FAM163B: variants seen among roughly 807,000 people sequenced by gnomAD.
The protein encoded by FAM163B is family with sequence similarity 163 member B.
A neutral mutation model predicts 7.6 loss-of-function variants in FAM163B; 4 were observed. The ratio of observed to expected loss-of-function variants is 0.52; its 90% confidence interval spans 0.26 to 1.20. The LOEUF (loss-of-function observed/expected upper bound fraction) is 1.20, where lower values mean the gene tolerates loss of function less well. Among genes scored for constraint, FAM163B ranks in the 50% most tolerant of loss-of-function variants. FAM163B has a pLI of 0.14. For missense variants in FAM163B, 250 were observed against 243.0 expected (o/e 1.03, Z -0.19); for synonymous variants, 120 against 111.6 (o/e 1.07, Z -0.47).
chr9:133,605,295 G>C (rs1831776355), intron 1 of FAM163B, among the ~76,000 whole-genome samples: 1 of 152,186 alleles, frequency 6.6e-6, no homozygotes, highest in South Asian at 2.1e-4. Flanking sequence ...GTAACCTCAC[G>C]AGGGACGCAT....
chr9:133,591,313 G>A (rs1831548807), intron 1 of FAM163B, among the ~76,000 whole-genome samples: 1 of 152,270 alleles, frequency 6.6e-6, no homozygotes, highest in Non-Finnish European at 1.5e-5. Flanking sequence ...ACCAGGTGCT[G>A]TTCCGGATGG....
At chr9:133,584,593 C>T (rs1044569881) in intron 1 of FAM163B, among the ~76,000 whole-genome samples, 1 of 152,232 alleles carries the variant, frequency 6.6e-6, no homozygotes, top group Non-Finnish European at 1.5e-5. Flanking sequence ...CACTTTGGCT[C>T]CCAAGGATAC....
intron 1 of FAM163B, among the ~76,000 whole-genome samples, chr9:133,597,970 G>A (rs1831656209): frequency 6.6e-6 from 1 of 152,176 alleles, no homozygotes; most frequent in African/African-American, 2.4e-5. Context: ...CAGGGGACAG[G>A]GCTCAAAGCT....
At chr9:133,593,190 C>T (rs1028956554) in intron 1 of FAM163B, among the ~76,000 whole-genome samples, 3 of 152,214 alleles carry the variant, frequency 2.0e-5, no homozygotes, top group Non-Finnish European at 4.4e-5. Context: ...GAGCAAACAT[C>T]AGGGAACTGA....
At chr9:133,580,094 TC>T in intron 2 of FAM163B, 36 bp downstream of exon 2, 1 of 1,580,052 alleles carries the variant, frequency 6.3e-7, no homozygotes. Context: ...CCTCTGGGCC[TC>T]CCTGCCCTGT....
At position 133,577,207 on chromosome 9, in the gene FAM163B, A is replaced by T. The variant is rs1333792982; in HGVS notation, c.*1815T>A. Among the ~76,000 whole-genome samples the T allele has an allele frequency of 6.6e-6, 1 of 152,204 alleles. No homozygotes were observed. Among genetic ancestry groups the T allele is most frequent in the Non-Finnish European group, 1.5e-5 (1 of 68,034 alleles). ...TACTTCGTTTCAAAGAGATCTACAT[A>T]TCTACAGAGAGGATGGAGACCAGAA... On this transcript the variant is annotated 3_prime_UTR_variant, in exon 3 of 3. Coordinates refer to ENST00000673969, the MANE Select transcript of FAM163B (RefSeq NM_001080515.3).
intron 1 of FAM163B, among the ~76,000 whole-genome samples, chr9:133,583,271 G>T (rs536436328): frequency 1.4e-4 from 21 of 152,334 alleles, no homozygotes; most frequent in Middle Eastern, 3.4e-3. Context: ...GCATGGGCCT[G>T]GGTGGAGGGG....
chr9:133,586,372 G>T (rs1265063788), intron 1 of FAM163B, among the ~76,000 whole-genome samples: 1 of 152,210 alleles, frequency 6.6e-6, no homozygotes, highest in East Asian at 1.9e-4. Flanking sequence ...ACAGCAGGGG[G>T]ACTGGTGCTG....
intron 1 of FAM163B, among the ~76,000 whole-genome samples, chr9:133,586,635 C>A (rs1291050138): frequency 6.6e-6 from 1 of 152,154 alleles, no homozygotes; most frequent in African/African-American, 2.4e-5. Context: ...AAGCAGGGCA[C>A]ACAGTGTGTG....
chr9:133,588,622 T>A (rs1831480842), intron 1 of FAM163B, among the ~76,000 whole-genome samples: 1 of 152,092 alleles, frequency 6.6e-6, no homozygotes, highest in Non-Finnish European at 1.5e-5. Context: ...CTGAAGGATC[T>A]AGCATGTTGA....
At chr9:133,591,200 C>T (rs1037293928) in intron 1 of FAM163B, among the ~76,000 whole-genome samples, 2 of 152,234 alleles carry the variant, frequency 1.3e-5, no homozygotes, top group South Asian at 2.1e-4. Context: ...CAGCCTCTTC[C>T]GCAGTGGCAG....
At position 133,609,242 on chromosome 9, in the gene FAM163B, G is replaced by A. The variant is rs1831824410; in HGVS notation, c.-189C>T. On this transcript the variant is annotated 5_prime_UTR_variant, in exon 1 of 3. Transcript: ENST00000673969. The stretch of plus-strand genomic sequence containing the variant: ...GGGCGGGCGAGGCGGGCGCTGAGAA[G>A]CCCGGGAGGCCCCCGGGGAGGCGAC... Among the ~76,000 whole-genome samples the A allele has an allele frequency of 6.6e-6, 1 of 151,044 alleles. No homozygotes were observed. The highest frequency in any genetic ancestry group is 1.5e-5 in the Non-Finnish European group (1 of 67,608).
Position 133,578,677 on chromosome 9 carries a change from ACCT to A in FAM163B, c.*342_*344del, listed in dbSNP as rs1831292160. On this transcript the variant is annotated 3_prime_UTR_variant, in exon 3 of 3. Transcript: ENST00000673969. ...CCCAGGGAGGGGGTGACACATGGAG[ACCT>A]CCTGGGAAGGCCAGGTTGTTGGGTC... is the stretch of plus-strand genomic sequence containing the variant. 9 of 281,356 alleles carry A rather than the reference ACCT, an allele frequency of 3.2e-5. No homozygotes were observed. The South Asian group carries it at 1.1e-3, about 36-fold the overall frequency. 17.4% of individuals were successfully genotyped at this position (281,356 alleles called of 1,614,324 possible).
chr9:133,599,823 A>T (rs1831688646), intron 1 of FAM163B, among the ~76,000 whole-genome samples: 2 of 145,630 alleles, frequency 1.4e-5, no homozygotes, highest in African/African-American at 5.1e-5. Flanking sequence ...GTATATGTGC[A>T]TGAATGTGTG....
rs781283745 is a variant in FAM163B, at chr9:133,579,373, G to C, written c.150C>G (p.Ala50=). ...SEEDEEEPDF[A]VHSHLPPLHS... ...GCAGCGGGGGCAGGTGCGAGTGAACGGCGAAGTCTGGTTCCTCCTCGTCCT... is the reference window on the plus strand; with the variant it reads ...GCAGCGGGGGCAGGTGCGAGTGAACCGCGAAGTCTGGTTCCTCCTCGTCCT... The change falls in exon 3 of 3, where the codon GCC becomes GCG. Residue 50 remains alanine (A), a synonymous_variant. Coordinates refer to ENST00000673969, the MANE Select transcript of FAM163B (RefSeq NM_001080515.3). The C allele has an allele frequency of 1.2e-6, 2 of 1,611,732 alleles. No individual in the cohort carries two copies. The highest frequency in any genetic ancestry group is 2.7e-5 in the African/African-American group (2 of 74,888).
intron 1 of FAM163B, among the ~76,000 whole-genome samples, chr9:133,595,963 G>A (rs746939625): frequency 2.4e-4 from 36 of 152,200 alleles, no homozygotes; most frequent in African/African-American, 3.4e-4. Context: ...TTCAGGGCAA[G>A]GGTCAGAAGG....
At chr9:133,589,628 G>GCACA (rs567978572) in intron 1 of FAM163B, among the ~76,000 whole-genome samples, 2 of 132,698 alleles carry the variant, frequency 1.5e-5, no homozygotes, top group East Asian at 2.1e-4. Context: ...GACACAGCGC[G>GCACA]CACACACACA....
At chr9:133,579,793 C>A (rs913811162) in intron 2 of FAM163B, among the ~76,000 whole-genome samples, 2 of 152,246 alleles carry the variant, frequency 1.3e-5, no homozygotes, top group Non-Finnish European at 2.9e-5. Flanking sequence ...ATGGCTCCCC[C>A]TCATCTCTCA....
At chr9:133,604,827 A>G (rs1337163224) in intron 1 of FAM163B, among the ~76,000 whole-genome samples, 1 of 152,102 alleles carries the variant, frequency 6.6e-6, no homozygotes, top group African/African-American at 2.4e-5. Flanking sequence ...TGATGTCTAT[A>G]AGGTAGTGCA....
Sources: allele counts gnomAD v4.1 joint callset (sites outside exome capture counted in the v4.1 genomes callset), GRCh38; gene constraint gnomAD v4.1.1; transcripts MANE v1.5; gene names NCBI Gene and HGNC (gene_info 2026-07-23, HGNC 2026-07-21).